Variants in ZFAT observed in about 807,000 individuals in gnomAD.
ZFAT encodes zinc finger and AT-hook domain containing, also known as zinc finger protein ZFAT.
A neutral mutation model predicts 117.7 loss-of-function variants in ZFAT; 64 were observed. The ratio of observed to expected loss-of-function variants is 0.54; its 90% CI spans 0.44 to 0.67. The LOEUF is 0.67. ZFAT is among the 30% of genes least tolerant of loss of function. The probability of loss-of-function intolerance (pLI) is 0.00; values close to 1 mark genes in which losing one functional copy is unlikely to be tolerated. For synonymous variants in ZFAT, 679 were observed against 615.0 expected, an observed-to-expected ratio of 1.10 and a Z score of -1.54; for missense variants, 1,433 against 1,584.5, an observed-to-expected ratio of 0.90 and a Z score of 1.62.
the ZFAT span, among the ~76,000 whole-genome samples, chr8:134,778,581 A>T: frequency 6.6e-6 from 1 of 152,222 alleles, no homozygotes; most frequent in Non-Finnish European, 1.5e-5. Context: ...ATATCGAATA[A>T]GCACATGTTC....
chr8:134,591,470 C>A (rs2130880736), intron 7 of ZFAT, among the ~76,000 whole-genome samples: 1 of 152,330 alleles, frequency 6.6e-6, no homozygotes, highest in South Asian at 2.1e-4. Flanking sequence ...TTGCTCTCAG[C>A]GCTCACTTGA....
the ZFAT span, among the ~76,000 whole-genome samples, chr8:134,772,925 C>T: frequency 3.8e-4 from 57 of 151,270 alleles, no homozygotes; most frequent in African/African-American, 1.3e-3. Flanking sequence ...AAGAACAAAA[C>T]AACAACAACA....
chr8:134,493,444 C>A (rs892807966), intron 15 of ZFAT, among the ~76,000 whole-genome samples: 1 of 152,220 alleles, frequency 6.6e-6, no homozygotes, highest in Admixed American at 6.5e-5. Context: ...ACTGGCCAAA[C>A]CAACTCACTG....
intron 13 of ZFAT, among the ~76,000 whole-genome samples, chr8:134,513,402 G>A (rs1005675365): frequency 3.9e-5 from 6 of 152,048 alleles, no homozygotes; most frequent in East Asian, 1.9e-4. Flanking sequence ...CACCATGTTG[G>A]CCAGGATGGT....
chr8:134,681,954 T>G (rs1833091417), intron 1 of ZFAT, among the ~76,000 whole-genome samples: 1 of 152,174 alleles, frequency 6.6e-6, no homozygotes, highest in African/African-American at 2.4e-5. Flanking sequence ...GAGACTCAGG[T>G]TAGAACAAAC....
At chr8:134,606,645 T>TC (rs1026704385) in intron 5 of ZFAT, among the ~76,000 whole-genome samples, 1 of 151,346 alleles carries the variant, frequency 6.6e-6, no homozygotes, top group Non-Finnish European at 1.5e-5. Flanking sequence ...AGAGAATAGC[T>TC]TGAACCTGGG....
chr8:134,676,347 G>A (rs1832802255), intron 1 of ZFAT, among the ~76,000 whole-genome samples: 1 of 147,944 alleles, frequency 6.8e-6, no homozygotes, highest in African/African-American at 2.5e-5. Flanking sequence ...AAGATACAAA[G>A]AAGTGCATTA....
the ZFAT span, among the ~76,000 whole-genome samples, chr8:134,804,058 T>G: frequency 6.6e-6 from 1 of 152,344 alleles, no homozygotes; most frequent in East Asian, 1.9e-4. Flanking sequence ...TAACAATTTT[T>G]TAAAACTCAG....
intron 5 of ZFAT, among the ~76,000 whole-genome samples, chr8:134,604,135 A>G (rs1376251865): frequency 1.3e-5 from 2 of 152,242 alleles, no homozygotes; most frequent in African/African-American, 4.8e-5. Flanking sequence ...GATGGTAATA[A>G]TAACAGCTAA....
At chr8:134,681,370 C>T (rs1357206168) in intron 1 of ZFAT, among the ~76,000 whole-genome samples, 4 of 152,210 alleles carry the variant, frequency 2.6e-5, no homozygotes, top group Admixed American at 2.6e-4. Flanking sequence ...TTGCCCACTG[C>T]CTTTCATACC....
chr8:134,702,922 C>T (rs372723420), intron 1 of ZFAT, among the ~76,000 whole-genome samples: 10 of 152,186 alleles, frequency 6.6e-5, no homozygotes, highest in African/African-American at 2.4e-4. Flanking sequence ...CTGCCGGCCT[C>T]GGCCTCCCAA....
At chr8:134,744,919 T>A in the ZFAT span, among the ~76,000 whole-genome samples, 2 of 151,582 alleles carry the variant, frequency 1.3e-5, no homozygotes, top group African/African-American at 2.4e-5. Flanking sequence ...TTAGTGGAGA[T>A]GGGGTTTCAC....
chr8:134,719,132 A>G, the ZFAT span, among the ~76,000 whole-genome samples: 1 of 152,246 alleles, frequency 6.6e-6, no homozygotes, highest in Admixed American at 6.5e-5. Context: ...TCTGGCTCAC[A>G]GGGAGACTGA....
At chr8:134,633,099 A>C (rs183247862) in intron 3 of ZFAT, among the ~76,000 whole-genome samples, 6 of 152,174 alleles carry the variant, frequency 3.9e-5, no homozygotes, top group Admixed American at 2.0e-4. Flanking sequence ...CCCTATTTGC[A>C]TTTTCCTAAT....
the ZFAT span, among the ~76,000 whole-genome samples, chr8:134,731,130 C>A: frequency 5.5e-4 from 83 of 152,282 alleles, 1 homozygote; most frequent in African/African-American, 1.9e-3. Flanking sequence ...CAAGGGGAAC[C>A]CTCAGACACT....
the ZFAT span, among the ~76,000 whole-genome samples, chr8:134,728,741 G>C: frequency 6.6e-6 from 1 of 152,172 alleles, no homozygotes; most frequent in Non-Finnish European, 1.5e-5. Flanking sequence ...TCTGAGCAAG[G>C]CTTCTAAATG....
At chr8:134,718,834 T>C in the ZFAT span, among the ~76,000 whole-genome samples, 1 of 152,216 alleles carries the variant, frequency 6.6e-6, no homozygotes, top group Non-Finnish European at 1.5e-5. Context: ...AAATAACTAT[T>C]TCAAATAAAG....
At chr8:134,658,548 A>G (rs1369395108) in intron 1 of ZFAT, among the ~76,000 whole-genome samples, 3 of 152,168 alleles carry the variant, frequency 2.0e-5, no homozygotes, top group Non-Finnish European at 1.5e-5. Context: ...TCCTATTTAA[A>G]GCACTCTCAT....
At chr8:134,651,717 G>A (rs946985552) in intron 2 of ZFAT, among the ~76,000 whole-genome samples, 1 of 152,080 alleles carries the variant, frequency 6.6e-6, no homozygotes, top group African/African-American at 2.4e-5. Flanking sequence ...TGAAGCAGAG[G>A]CAATACCAAA....
Sources: allele counts gnomAD v4.1 joint callset (sites outside exome capture counted in the v4.1 genomes callset), GRCh38; gene constraint gnomAD v4.1.1; transcripts MANE v1.5; gene names NCBI Gene and HGNC (gene_info 2026-07-23, HGNC 2026-07-21).